MAEL: variants seen among roughly 807,000 people sequenced by gnomAD.
The protein encoded by MAEL is protein maelstrom homolog.
Under a neutral mutation model 62.0 loss-of-function variants are expected in MAEL, and 46 were observed. The ratio of observed to expected loss-of-function variants is 0.74; its 90% CI spans 0.59 to 0.95. The LOEUF (loss-of-function observed/expected upper bound fraction) is 0.95. MAEL is among the 40% of genes least tolerant of loss of function. MAEL has a pLI of 0.00. For missense variants in MAEL, 497 were observed against 526.8 expected (o/e 0.94, Z 0.55); for synonymous variants, 172 against 175.5 (o/e 0.98, Z 0.16).
intron 2 of MAEL, 117 bp downstream of exon 2, chr1:166,989,946 C>T (rs1664093084): frequency 2.6e-6 from 2 of 762,546 alleles, no homozygotes; most frequent in South Asian, 2.0e-5. Context: ...TCGGTTAGTG[C>T]GAAGACGACG....
At chr1:166,984,486 C>T (rs1264069246), upstream of MAEL, among the ~76,000 whole-genome samples, 1 of 152,110 alleles carries the variant, frequency 6.6e-6, no homozygotes, top group Non-Finnish European at 1.5e-5. Flanking sequence ...CATTCCACAA[C>T]ATATACATAT....
At chr1:166,980,366 A>G (rs1663723931) in intron 1 of MAEL, among the ~76,000 whole-genome samples, 2 of 152,132 alleles carry the variant, frequency 1.3e-5, no homozygotes, top group South Asian at 4.1e-4. Context: ...TAATATAGGA[A>G]AAGGTGCTGG....
chr1:167,011,114 G>A lies in MAEL; in HGVS notation c.846-5108G>A, dbSNP rs186031678. Among the ~76,000 whole-genome samples, 403 of 151,864 alleles carry A rather than the reference G, an allele frequency of 2.7e-3. 1 individual carries two copies. Among genetic ancestry groups the A allele is most frequent in the Non-Finnish European group, 2.4e-3 (161 of 67,976 alleles). ...CTACTAGGACTGTTTGAATATTTACGTAAAGAATGGGCTTCCTCATTGTAA... is the reference window on the plus strand; with the variant it reads ...CTACTAGGACTGTTTGAATATTTACATAAAGAATGGGCTTCCTCATTGTAA... On this transcript the variant is annotated intron_variant, in intron 8 of 11. Coordinates refer to ENST00000367872, the MANE Select transcript of MAEL (RefSeq NM_032858.3).
chr1:166,981,153 C>A (rs1352711059), intron 1 of MAEL, among the ~76,000 whole-genome samples: 1 of 152,168 alleles, frequency 6.6e-6, no homozygotes, highest in Non-Finnish European at 1.5e-5. Context: ...AACAGCAGCC[C>A]TGACCTTTGT....
At chr1:167,003,024 A>C (rs2102093604) in intron 5 of MAEL, among the ~76,000 whole-genome samples, 1 of 152,252 alleles carries the variant, frequency 6.6e-6, no homozygotes, top group Middle Eastern at 3.4e-3. Flanking sequence ...TCTTTGAAGA[A>C]GGTGTTTTAT....
At chr1:167,007,662 CTATCT>C (rs1371931129) in intron 8 of MAEL, among the ~76,000 whole-genome samples, 1 of 151,746 alleles carries the variant, frequency 6.6e-6, no homozygotes, top group Non-Finnish European at 1.5e-5. Flanking sequence ...TTATCCATCT[CTATCT>C]TATCATGAGT....
chr1:167,005,183 T>G (rs1041238), intron 7 of MAEL, 53 bp downstream of exon 7: 102 of 1,609,898 alleles, frequency 6.3e-5, no homozygotes, highest in Non-Finnish European at 7.4e-5. Context: ...ATATCTGTAT[T>G]TGTTTCCACT....
In MAEL at chr1:166,989,296, C is replaced by T; in HGVS notation, c.-57C>T. 2 of 1,564,132 alleles carry T rather than the reference C, an allele frequency of 1.3e-6. No individual in the cohort carries two copies. Among genetic ancestry groups the T allele is most frequent in the African/African-American group, 2.7e-5 (2 of 74,162 alleles). On this transcript the variant is annotated 5_prime_UTR_variant, in exon 1 of 12. Coordinates refer to ENST00000367872, the MANE Select transcript of MAEL (RefSeq NM_032858.3). ...ACCTCTGTTACTTAGGGCGGGAGCCCGGCGAGGGCGCCGGTGCTTTGTTCT... is the reference window on the plus strand; with the variant it reads ...ACCTCTGTTACTTAGGGCGGGAGCCTGGCGAGGGCGCCGGTGCTTTGTTCT...
intron 8 of MAEL, among the ~76,000 whole-genome samples, chr1:167,008,403 T>C (rs949819523): frequency 6.6e-6 from 1 of 152,080 alleles, no homozygotes; most frequent in African/African-American, 2.4e-5. Context: ...TCAAAGTTAT[T>C]TGTTTAAAGA....
At chr1:166,996,601 T>C (rs1014975161) in intron 5 of MAEL, among the ~76,000 whole-genome samples, 1 of 152,214 alleles carries the variant, frequency 6.6e-6, no homozygotes, top group Non-Finnish European at 1.5e-5. Flanking sequence ...ACATTTCCAG[T>C]GCCATTGAAA....
Position 167,017,841 on chromosome 1 carries a change from A to G in MAEL, c.923A>G (p.Asn308Ser), listed in dbSNP as rs1213013627. 1 of 1,611,814 alleles carries G rather than the reference A, an allele frequency of 6.2e-7. No individual in the cohort carries two copies. The highest frequency in any genetic ancestry group is 1.1e-5 in the South Asian group (1 of 90,646). Residue 308 changes from asparagine to serine, a missense_variant, in exon 10 of 12, where the codon AAT becomes AGT. Asn to Ser is a conservative substitution (Grantham distance 46). Coordinates refer to ENST00000367872, the MANE Select transcript of MAEL (RefSeq NM_032858.3). ...TTCTTTTAAAGGTACTGCATCAGTA[A>G]TTCTCTGGCCACTCTCTTTGGAATC... ...VCKKIAYCIS[N>S]SLATLFGIQL... is the part of the protein sequence containing the mutation.
chr1:166,981,365 A>T (rs919181625), intron 1 of MAEL, among the ~76,000 whole-genome samples: 1 of 152,166 alleles, frequency 6.6e-6, no homozygotes, highest in African/African-American at 2.4e-5. Flanking sequence ...CCACACATTT[A>T]TTGAATACTT....
At chr1:167,010,748 A>G (rs957974576) in intron 8 of MAEL, among the ~76,000 whole-genome samples, 2 of 152,048 alleles carry the variant, frequency 1.3e-5, no homozygotes, top group Non-Finnish European at 2.9e-5. Context: ...ATGCCTGGCT[A>G]TTTTGTTCTT....
rs1266065665 is a variant in MAEL, at chr1:166,991,497, T to C, written c.325+20T>C. On this transcript the variant is annotated intron_variant, in intron 3 of 11. Coordinates refer to ENST00000367872, the MANE Select transcript of MAEL (RefSeq NM_032858.3). ...ATCAAGGTAGAGTAATCCTGAAATA[T>C]TTTGCTGAGATAAATTTGAGTGCCC... is the stretch of plus-strand genomic sequence containing the variant. 2.0e-6 allele frequency: 3 copies of C among 1,504,468 alleles called. No homozygotes were observed. The highest frequency in any genetic ancestry group is 1.1e-5 in the South Asian group (1 of 88,736). 93.2% of individuals were successfully genotyped at this position (1,504,468 alleles called of 1,614,324 possible).
chr1:166,979,174 A>G (rs1663683441), intron 1 of MAEL, among the ~76,000 whole-genome samples: 1 of 152,256 alleles, frequency 6.6e-6, no homozygotes, highest in South Asian at 2.1e-4. Context: ...GCACACAGAT[A>G]AAATCATATT....
At chr1:166,984,403 G>A (rs1048023337), upstream of MAEL, among the ~76,000 whole-genome samples, 1 of 152,028 alleles carries the variant, frequency 6.6e-6, no homozygotes, top group Admixed American at 6.6e-5. Context: ...AAATAGAGTA[G>A]ATCTCAAGTG....
chr1:166,988,473 T>C (rs796143351), upstream of MAEL, among the ~76,000 whole-genome samples: 6 of 151,164 alleles, frequency 4.0e-5, no homozygotes, highest in East Asian at 1.9e-4. Context: ...ACCCCATATA[T>C]ACATACACTT....
At chr1:167,004,365 A>G in intron 6 of MAEL, 61 bp downstream of exon 6, 1 of 1,472,948 alleles carries the variant, frequency 6.8e-7, no homozygotes, top group Non-Finnish European at 9.1e-7. Context: ...AGATCCATAA[A>G]ACAAAGAATT....
At chr1:166,985,291 C>T (rs951751784), upstream of MAEL, among the ~76,000 whole-genome samples, 3 of 151,924 alleles carry the variant, frequency 2.0e-5, no homozygotes, top group Non-Finnish European at 4.4e-5. Context: ...GTTTGCAGGG[C>T]AGAGTACCAG....
Sources: gnomAD v4.1 joint callset for allele counts (sites outside exome capture counted in the v4.1 genomes callset) on GRCh38, gnomAD v4.1.1 for gene constraint, MANE v1.5 for transcripts, NCBI Gene and HGNC (gene_info 2026-07-23, HGNC 2026-07-21) for gene names.